Variants in ABCC12 observed in about 807,000 individuals in gnomAD.
ABCC12 encodes ATP-binding cassette sub-family C member 12.
ABCC12 carries 142 observed loss-of-function variants against 151.1 expected under a neutral mutation model. That is an observed-to-expected ratio of 0.94 (90% confidence interval 0.82 to 1.08). ABCC12 has a LOEUF of 1.08. Among genes scored for constraint, ABCC12 ranks in the 50% least tolerant of loss-of-function variants. The pLI, the probability that ABCC12 is intolerant of heterozygous loss-of-function variation, is 0.00. For synonymous variants in ABCC12, 645 were observed against 646.4 expected, an observed-to-expected ratio of 1.00 and a Z score of 0.03; for missense variants, 1,638 against 1,691.1, an observed-to-expected ratio of 0.97 and a Z score of 0.55.
intron 2 of ABCC12, among the ~76,000 whole-genome samples, chr16:48,150,545 T>C (rs911590319): frequency 2.0e-5 from 3 of 152,122 alleles, no homozygotes; most frequent in African/African-American, 7.2e-5. Context: ...ACTTGCAAAA[T>C]ATACAATACA....
chr16:48,138,111 C>T, intron 8 of ABCC12, 117 bp downstream of exon 8: 2 of 1,167,826 alleles, frequency 1.7e-6, no homozygotes, highest in South Asian at 1.9e-5. Context: ...TGCAGAGCAG[C>T]TCAGAGGGTC....
chr16:48,100,799 C>A (rs951421428), intron 23 of ABCC12, 73 bp downstream of exon 23: 5 of 1,537,176 alleles, frequency 3.3e-6, no homozygotes, highest in Non-Finnish European at 4.4e-6. Flanking sequence ...AGACTTCCCT[C>A]CTCCTGTGCA....
At position 48,087,935 on chromosome 16, in the gene ABCC12, C is replaced by T. The variant is rs986564020; in HGVS notation, c.3626G>A (p.Gly1209Asp). Residue 1209 changes from glycine to aspartate, a missense_variant, in exon 27 of 31, where the codon GGT (glycine) becomes GAT (aspartate). By Grantham distance (94) the Gly-to-Asp change is moderately conservative. Transcript: ENST00000311303. ...GATTAAAAACAGCTACCTTACTGTACCTACAAACAGGACAGGATCCTGTGG... is the reference window on the plus strand; with the variant it reads ...GATTAAAAACAGCTACCTTACTGTATCTACAAACAGGACAGGATCCTGTGG... ...VIPQDPVLFV[G>D]TVRYNLDPFE... 6.2e-7 allele frequency: 1 copy of T among 1,612,662 alleles called. No homozygotes were observed. Among genetic ancestry groups the T allele is most frequent in the Admixed American group, 1.7e-5 (1 of 59,808 alleles).
chr16:48,105,115 C>T, intron 21 of ABCC12, 24 bp downstream of exon 21: 1 of 1,613,704 alleles, frequency 6.2e-7, no homozygotes, highest in Non-Finnish European at 8.5e-7. Flanking sequence ...TAACTGGGTA[C>T]ACCTGCAATG....
In ABCC12 at chr16:48,105,291, C is replaced by T. The variant is rs367859326; in HGVS notation, c.2521G>A (p.Ala841Thr). ...QGNRTMCEVG[A>T]VLADIGQHVY... ...TGCTGACCGATGTCTGCCAGCACCGCGCCGACCTCACACATGGTCCTGTTG... is the reference window on the plus strand; with the variant it reads ...TGCTGACCGATGTCTGCCAGCACCGTGCCGACCTCACACATGGTCCTGTTG... The change falls in exon 21 of 31, where the codon GCG (alanine) becomes ACG (threonine). Residue 841 changes from alanine to threonine, a missense_variant. Physicochemically the swap from Ala to Thr is moderately conservative, Grantham distance 58. Coordinates refer to ENST00000311303, the MANE Select transcript of ABCC12 (RefSeq NM_001393797.1). The T allele has an allele frequency of 1.3e-4, 206 of 1,613,576 alleles. No individual in the cohort carries two copies. The highest frequency in any genetic ancestry group is 1.7e-4 in the Middle Eastern group (1 of 5,780).
intron 14 of ABCC12, among the ~76,000 whole-genome samples, chr16:48,116,435 G>C (rs1963886502): frequency 6.6e-6 from 1 of 152,202 alleles, no homozygotes; most frequent in Non-Finnish European, 1.5e-5. Context: ...CAGGTGGTGG[G>C]ACTTGGGAAA....
At position 48,128,448 on chromosome 16, in the gene ABCC12, C is replaced by T; in HGVS notation, c.1515+11G>A. 6.2e-7 allele frequency: 1 copy of T among 1,613,162 alleles called. No individual in the cohort carries two copies. Among genetic ancestry groups the T allele is most frequent in the Non-Finnish European group, 8.5e-7 (1 of 1,179,242 alleles). On this transcript the variant is annotated intron_variant, in intron 11 of 30. Transcript: ENST00000311303. Reference sequence around the variant, plus strand: ...AGGGCTGGAGGCCACACCTGTGCAACACACACCCACCTTTCTCACCACAAA... The same window carrying T: ...AGGGCTGGAGGCCACACCTGTGCAATACACACCCACCTTTCTCACCACAAA...
intron 23 of ABCC12, among the ~76,000 whole-genome samples, chr16:48,100,295 G>A (rs1963257511): frequency 6.6e-6 from 1 of 152,146 alleles, no homozygotes. Context: ...TTAGAAGTTT[G>A]AAGCTGGAAG....
rs905597622 is a variant in ABCC12 at position 48,087,775 on chromosome 16, G to A, written c.3635+151C>T. The A allele has an allele frequency of 1.0e-5, 8 of 766,280 alleles. No individual in the cohort carries two copies. The Admixed American group carries it at 1.8e-4, about 17-fold the overall frequency. 47.5% of individuals were successfully genotyped at this position (766,280 alleles called of 1,614,324 possible). A position where few individuals can be genotyped will look rare whatever the true frequency, so the allele number is the denominator to read the frequency against. On this transcript the variant is annotated intron_variant, in intron 27 of 30. Transcript: ENST00000311303. ...TCCCAAGGCTGGATGCAGAAACAGG[G>A]ACCAGCAGTGCTTGTGAGCCCCCCT...
rs1428494484 is a variant in ABCC12 at position 48,086,726 on chromosome 16, G to A, written c.3714+15C>T. 3.1e-6 allele frequency: 5 copies of A among 1,606,580 alleles called. No individual in the cohort carries two copies. Among genetic ancestry groups the A allele is most frequent in the Middle Eastern group, 1.6e-4 (1 of 6,070 alleles). ...CTGGGAAACAAACTCCTCCTCAACA[G>A]CCCCAGAGACCTACTGTGTCTCTCA... On this transcript the variant is annotated intron_variant, in intron 28 of 30. Transcript: ENST00000311303.
At chr16:48,085,892 G>A (rs541148650) in intron 28 of ABCC12, among the ~76,000 whole-genome samples, 186 bp from the exon 29 acceptor site, 14 of 152,166 alleles carry the variant, frequency 9.2e-5, no homozygotes, top group East Asian at 7.7e-4. Context: ...GGGAGTAGAC[G>A]GACATTAATA....
chr16:48,125,803 T>C (rs1964220564), intron 11 of ABCC12, among the ~76,000 whole-genome samples: 1 of 152,178 alleles, frequency 6.6e-6, no homozygotes, highest in South Asian at 2.1e-4. Context: ...TCGCTGCCTG[T>C]CATCAATAAT....
intron 2 of ABCC12, among the ~76,000 whole-genome samples, chr16:48,150,778 G>C (rs955512017): frequency 2.0e-5 from 3 of 152,066 alleles, no homozygotes; most frequent in African/African-American, 7.2e-5. Context: ...ATTAACTAGT[G>C]CATAAACACA....
intron 21 of ABCC12, among the ~76,000 whole-genome samples, 172 bp from the exon 22 acceptor site, chr16:48,104,540 G>A (rs1447452678): frequency 6.6e-6 from 1 of 152,160 alleles, no homozygotes; most frequent in Admixed American, 6.5e-5. Flanking sequence ...TGCGGCCACC[G>A]TGAATGAGTG....
At chr16:48,097,064 A>G (rs1963125579) in intron 23 of ABCC12, 162 bp from the exon 24 acceptor site, 1 of 796,682 alleles carries the variant, frequency 1.3e-6, no homozygotes, top group African/African-American at 1.7e-5. Flanking sequence ...ACTCTTACAA[A>G]AATGAACATA....
intron 9 of ABCC12, among the ~76,000 whole-genome samples, chr16:48,133,324 C>A (rs1964493463): frequency 6.6e-6 from 1 of 152,016 alleles, no homozygotes; most frequent in African/African-American, 2.4e-5. Context: ...GAGTTCAAGA[C>A]CAGCCTGGCC....
chr16:48,117,157 G>A (rs1963909994), intron 14 of ABCC12, 104 bp downstream of exon 14: 1 of 1,080,574 alleles, frequency 9.3e-7, no homozygotes, highest in Non-Finnish European at 1.3e-6. Flanking sequence ...CACGTCCTTG[G>A]GGCATCTGGA....
chr16:48,138,955 C>T lies in ABCC12; in HGVS notation c.831+208G>A, dbSNP rs118186517. ...CTGCACTCCAGCCTGGGTGACAGAG[C>T]GAGACCCTGTCACTAAACAAAAACA... On this transcript the variant is annotated intron_variant, in intron 7 of 30. Transcript: ENST00000311303. Among the ~76,000 whole-genome samples the T allele has an allele frequency of 3.9e-4, 60 of 152,088 alleles. No homozygotes were observed. The East Asian group carries it at 7.9e-3, about 20-fold the overall frequency.
chr16:48,145,031 A>G (rs1042789207), intron 3 of ABCC12, among the ~76,000 whole-genome samples: 1 of 152,176 alleles, frequency 6.6e-6, no homozygotes, highest in Non-Finnish European at 1.5e-5. Context: ...TGTTGACTCC[A>G]GTGTCCTGTC....
Sources: allele counts gnomAD v4.1 joint callset (sites outside exome capture counted in the v4.1 genomes callset), GRCh38; gene constraint gnomAD v4.1.1; transcripts MANE v1.5; gene names NCBI Gene and HGNC (gene_info 2026-07-23, HGNC 2026-07-21).